Variants in HIVEP3 observed in about 807,000 individuals in gnomAD.
HIVEP3 encodes HIVEP zinc finger 3, also known as transcription factor HIVEP3.
HIVEP3 carries 49 observed loss-of-function variants against 152.8 expected under a neutral mutation model. That is an observed-to-expected ratio of 0.32 (90% CI 0.26 to 0.41). The LOEUF (loss-of-function observed/expected upper bound fraction) is 0.41. Ranked by LOEUF, HIVEP3 falls within the 10% of genes least tolerant of loss-of-function variation. The pLI is 1.00. For synonymous variants in HIVEP3, 1,269 were observed against 1,289.0 expected (o/e 0.98, Z 0.33); for missense variants, 2,790 against 3,103.3 (o/e 0.90, Z 2.40).
intron 1 of HIVEP3, among the ~76,000 whole-genome samples, chr1:41,719,688 A>G (rs1646648638): frequency 6.6e-6 from 1 of 152,182 alleles, no homozygotes; most frequent in South Asian, 2.1e-4. Flanking sequence ...GGGCAAGTTC[A>G]CAATAACAGA....
chr1:41,580,505 G>A lies in HIVEP3; in HGVS notation c.4293C>T (p.Val1431=), dbSNP rs753392903. 19 of 1,614,092 alleles carry A rather than the reference G, an allele frequency of 1.2e-5. No homozygotes were observed. The highest frequency in any genetic ancestry group is 2.2e-5 in the East Asian group (1 of 44,888). Residue 1431 remains valine, a synonymous_variant, in exon 4 of 9, where the codon GTC becomes GTT. Coordinates refer to ENST00000372583, the MANE Select transcript of HIVEP3 (RefSeq NM_024503.5). ...GTTCAAGGCTGCCAGCTGGTGAAAGGACACGTTTGCTTCCCCCTGCTGTTG... is the reference window on the plus strand; with the variant it reads ...GTTCAAGGCTGCCAGCTGGTGAAAGAACACGTTTGCTTCCCCCTGCTGTTG... The part of the protein sequence containing the change: ...SSSTAGGSKR[V]LSPAGSLELT...
intron 1 of HIVEP3, among the ~76,000 whole-genome samples, chr1:41,997,183 T>C (rs947640935): frequency 6.6e-6 from 1 of 152,238 alleles, no homozygotes; most frequent in African/African-American, 2.4e-5. Context: ...CATAGCATCA[T>C]GTCCACAGTA....
At chr1:41,883,007 G>T (rs1223038255) in intron 1 of HIVEP3, among the ~76,000 whole-genome samples, 3 of 152,170 alleles carry the variant, frequency 2.0e-5, no homozygotes, top group Non-Finnish European at 2.9e-5. Flanking sequence ...CGGGGAGCCA[G>T]CTGGCTATTT....
chr1:41,927,246 G>A (rs1247303117), intron 1 of HIVEP3, among the ~76,000 whole-genome samples: 1 of 152,124 alleles, frequency 6.6e-6, no homozygotes, highest in Non-Finnish European at 1.5e-5. Context: ...TCCCAATTGG[G>A]CACCCTTGGG....
At chr1:41,853,688 G>A (rs1011889788) in intron 1 of HIVEP3, among the ~76,000 whole-genome samples, 4 of 152,158 alleles carry the variant, frequency 2.6e-5, no homozygotes, top group African/African-American at 9.7e-5. Flanking sequence ...GAAAGGGAGA[G>A]GAAGGGAGTT....
chr1:41,806,096 T>A (rs1650591980), intron 1 of HIVEP3, among the ~76,000 whole-genome samples: 1 of 152,170 alleles, frequency 6.6e-6, no homozygotes, highest in Non-Finnish European at 1.5e-5. Flanking sequence ...CCTTGCCAGA[T>A]GAGGCCCCCA....
At chr1:41,924,409 CAT>C (rs563676694) in intron 1 of HIVEP3, among the ~76,000 whole-genome samples, 164 of 152,220 alleles carry the variant, frequency 1.1e-3, no homozygotes, top group Non-Finnish European at 1.9e-3. Flanking sequence ...TGATGAGAAA[CAT>C]AGTACTTCCT....
At chr1:41,853,806 C>T (rs1471983191) in intron 1 of HIVEP3, among the ~76,000 whole-genome samples, 1 of 152,124 alleles carries the variant, frequency 6.6e-6, no homozygotes, top group African/African-American at 2.4e-5. Context: ...TGGGAACTCA[C>T]CAAGGCGAAC....
chr1:41,631,456 A>G (rs1445628180), intron 2 of HIVEP3, among the ~76,000 whole-genome samples: 4 of 152,146 alleles, frequency 2.6e-5, no homozygotes, highest in Non-Finnish European at 2.9e-5. Context: ...CTGGGTCTGG[A>G]GTAACCCGCA....
At chr1:41,954,372 G>A (rs113548952) in intron 1 of HIVEP3, among the ~76,000 whole-genome samples, 13 of 152,142 alleles carry the variant, frequency 8.5e-5, no homozygotes, top group Non-Finnish European at 1.5e-4. Context: ...GATTAGGGAG[G>A]CCACATACAT....
chr1:42,032,228 A>G (rs927238795), intron 1 of HIVEP3, among the ~76,000 whole-genome samples: 9 of 152,130 alleles, frequency 5.9e-5, no homozygotes, highest in African/African-American at 1.7e-4. Flanking sequence ...TCACACACAA[A>G]ATGCTCCAGC....
At chr1:41,781,395 G>A (rs1244964308) in intron 1 of HIVEP3, among the ~76,000 whole-genome samples, 1 of 152,100 alleles carries the variant, frequency 6.6e-6, no homozygotes, top group Non-Finnish European at 1.5e-5. Context: ...CTCCATAATT[G>A]CTGCTGAAAT....
At chr1:41,566,495 AAC>A (rs1306836043) in intron 5 of HIVEP3, among the ~76,000 whole-genome samples, 6 of 152,222 alleles carry the variant, frequency 3.9e-5, no homozygotes, top group African/African-American at 4.8e-5. Flanking sequence ...TCTCAGTTCA[AAC>A]ACCTGTCTGC....
chr1:41,821,388 T>A (rs1173645233), intron 1 of HIVEP3, among the ~76,000 whole-genome samples: 1 of 152,166 alleles, frequency 6.6e-6, no homozygotes, highest in African/African-American at 2.4e-5. Context: ...TCAAATGCCA[T>A]CCTCTATTTC....
chr1:41,802,315 AAG>A (rs1238965679), intron 1 of HIVEP3, among the ~76,000 whole-genome samples: 1 of 152,114 alleles, frequency 6.6e-6, no homozygotes, highest in Admixed American at 6.5e-5. Flanking sequence ...TCCTGGGCTC[AAG>A]AGATCCTCCC....
intron 1 of HIVEP3, among the ~76,000 whole-genome samples, chr1:41,703,474 G>T (rs1343167131): frequency 6.6e-6 from 1 of 152,038 alleles, no homozygotes; most frequent in Admixed American, 6.6e-5. Context: ...GTGGGACCTT[G>T]GGCAAATTAC....
At position 41,582,474 on chromosome 1, in the gene HIVEP3, G is replaced by C. The variant is rs555848332; in HGVS notation, c.2324C>G (p.Pro775Arg). 4.8e-5 allele frequency: 78 copies of C among 1,613,538 alleles called. No individual in the cohort carries two copies. In the South Asian group the frequency reaches 8.6e-4, roughly 18 times the overall value. Residue 775 changes from proline (P) to arginine (R), a missense_variant, in exon 4 of 9, where the codon CCA becomes CGA. Transcript: ENST00000372583. The surrounding 1 kb of genome is among the most constrained non-coding windows in gnomAD (Gnocchi z 4.7). ...PSLEGPTGFQ[P>R]RTPKPGSGSE... ...ACCGGACCCTGGCTTGGGAGTCCTT[G>C]GCTGGAAGCCCGTGGGTCCCTCCAA...
At chr1:41,639,341 AG>A (rs1645336248) in intron 2 of HIVEP3, among the ~76,000 whole-genome samples, 1 of 152,192 alleles carries the variant, frequency 6.6e-6, no homozygotes, top group African/African-American at 2.4e-5. Context: ...AGCATGGTAT[AG>A]CATAGCGAGT....
At chr1:41,824,401 A>G (rs865889766) in intron 1 of HIVEP3, among the ~76,000 whole-genome samples, 7 of 152,152 alleles carry the variant, frequency 4.6e-5, no homozygotes, top group Non-Finnish European at 8.8e-5. Context: ...TTTGCAATTT[A>G]ATAATAACCT....
Sources: gnomAD v4.1 joint callset for allele counts (sites outside exome capture counted in the v4.1 genomes callset) on GRCh38, gnomAD v4.1.1 for gene constraint, Gnocchi (gnomAD v3.1) non-coding constraint, MANE v1.5 for transcripts, NCBI Gene and HGNC (gene_info 2026-07-23, HGNC 2026-07-21) for gene names.